Variants in MYPN observed in about 807,000 individuals in gnomAD.
The protein encoded by MYPN is sarcomeric protein myopalladin, 145 kDa (MYOP).
In MYPN, 63 loss-of-function variants were observed where a neutral mutation model predicts 129.4. The ratio of observed to expected loss-of-function variants is 0.49; its 90% CI spans 0.40 to 0.60. The LOEUF (loss-of-function observed/expected upper bound fraction) is 0.60, where lower values mean the gene tolerates loss of function less well. Ranked by LOEUF, MYPN falls within the 20% of genes least tolerant of loss-of-function variation. The pLI is 0.00. For synonymous variants in MYPN, 629 were observed against 600.9 expected (o/e 1.05, Z -0.68); for missense variants, 1,596 against 1,635.4 (o/e 0.98, Z 0.42).
In MYPN at chr10:68,174,359, G is replaced by A. The variant is rs1218456286; in HGVS notation, c.2267G>A (p.Arg756Lys). 3.1e-6 allele frequency: 5 copies of A among 1,613,980 alleles called. No individual in the cohort carries two copies. Among genetic ancestry groups the A allele is most frequent in the Non-Finnish European group, 4.2e-6 (5 of 1,180,024 alleles). Reference sequence around the variant, plus strand: ...AGCAGCACTCCTCAAACTATTCAGAGGACAGTGAGCAAAGAAAGCCTCTTA... The same window carrying A: ...AGCAGCACTCCTCAAACTATTCAGAAGACAGTGAGCAAAGAAAGCCTCTTA... ...TLSSTPQTIQ[R>K]TVSKESLLVS... The change falls in exon 11 of 20, where the codon AGG (arginine) becomes AAG (lysine). Residue 756 changes from arginine (R) to lysine (K), a missense_variant. Coordinates refer to ENST00000358913, the MANE Select transcript of MYPN (RefSeq NM_032578.4).
At chr10:68,111,983 G>A (rs1285716300) in intron 1 of MYPN, among the ~76,000 whole-genome samples, 1 of 152,220 alleles carries the variant, frequency 6.6e-6, no homozygotes, top group Non-Finnish European at 1.5e-5. Context: ...CAAATAGTAA[G>A]AAGCTGAAGA....
intron 9 of MYPN, 99 bp downstream of exon 9, chr10:68,165,917 G>A: frequency 9.5e-7 from 1 of 1,049,786 alleles, no homozygotes; most frequent in East Asian, 2.4e-5. Flanking sequence ...ATACAAAGCT[G>A]GCTTGGCTCT....
intron 8 of MYPN, 164 bp from the exon 9 acceptor site, chr10:68,165,538 A>T: frequency 1.4e-6 from 1 of 703,962 alleles, no homozygotes; most frequent in Non-Finnish European, 2.6e-6. Flanking sequence ...TTGCCTACTA[A>T]TCAGTCAATT....
At chr10:68,128,427 G>A (rs79485968) in intron 2 of MYPN, among the ~76,000 whole-genome samples, 1 of 152,054 alleles carries the variant, frequency 6.6e-6, no homozygotes, top group Non-Finnish European at 1.5e-5. Context: ...TAAATAAAAA[G>A]CATATCTGAA....
In MYPN at chr10:68,199,379, A is replaced by G. The variant is rs2043668884; in HGVS notation, c.3297A>G (p.Leu1099=). Residue 1099 remains leucine (L), a synonymous_variant, in exon 17 of 20, where the codon TTA becomes TTG. Coordinates refer to ENST00000358913, the MANE Select transcript of MYPN (RefSeq NM_032578.4). ...CTGTTGTTTATTAGGTGAGTGGTTT[A>G]CCGCCCCCGGAGCTGACATGGCTAC... ...LCRLDCKVSG[L]PPPELTWLLN... is the part of the protein sequence containing the mutation. The G allele has an allele frequency of 6.2e-7, 1 of 1,613,814 alleles. No individual in the cohort carries two copies. The highest frequency in any genetic ancestry group is 1.1e-5 in the South Asian group (1 of 91,066).
At chr10:68,161,807 A>G (rs1564672159) in intron 8 of MYPN, 55 bp downstream of exon 8, 3 of 1,305,838 alleles carry the variant, frequency 2.3e-6, no homozygotes, top group East Asian at 2.3e-5. Context: ...TATATATACA[A>G]GAATACATAA....
chr10:68,120,585 G>T (rs965723608), intron 1 of MYPN, among the ~76,000 whole-genome samples: 7 of 152,160 alleles, frequency 4.6e-5, no homozygotes, highest in Non-Finnish European at 5.9e-5. Flanking sequence ...AATTTAAACA[G>T]CTTGTCTCTA....
rs780584298 is a variant in MYPN, at chr10:68,174,248, G to C, written c.2156G>C (p.Ser719Thr). The C allele has an allele frequency of 5.0e-6, 8 of 1,614,130 alleles. No homozygotes were observed. In the Admixed American group the frequency reaches 1.3e-4, roughly 27 times the overall value. The change falls in exon 11 of 20, where the codon AGC becomes ACC. Residue 719 changes from serine (S) to threonine (T), a missense_variant. Transcript: ENST00000358913. The part of the protein sequence containing the change: ...QVKAPSSQTF[S>T]LARPKYFFPS... ...AAGGCTCCTTCATCACAGACGTTCA[G>C]CTTGGCCCGGCCGAAGTATTTCTTC...
intron 4 of MYPN, among the ~76,000 whole-genome samples, chr10:68,145,767 G>A (rs2042655756): frequency 6.6e-6 from 1 of 152,208 alleles, no homozygotes; most frequent in Non-Finnish European, 1.5e-5. Flanking sequence ...TACAGAGGAT[G>A]AGCTCCTTAA....
At chr10:68,176,289 G>A (rs764680593) in intron 12 of MYPN, among the ~76,000 whole-genome samples, 3 of 152,122 alleles carry the variant, frequency 2.0e-5, no homozygotes, top group African/African-American at 4.8e-5. Context: ...TAGACTGAAC[G>A]TTTTCTTATT....
chr10:68,119,496 C>T (rs886737947), intron 1 of MYPN, among the ~76,000 whole-genome samples: 3 of 151,832 alleles, frequency 2.0e-5, no homozygotes, highest in Non-Finnish European at 2.9e-5. Context: ...CAGCAACCTC[C>T]GCTTCCCAGG....
Position 68,194,422 on chromosome 10 carries a change from G to A in MYPN, c.2985G>A (p.Arg995=). ...AGAGAAATGAGCACTGCAAAATGAG[G>A]CGAGAAGGAGATGGGACATGCTCTC... ...ISKRNEHCKM[R]REGDGTCSLH... Residue 995 remains arginine (R), a synonymous_variant, in exon 14 of 20, where the codon AGG becomes AGA. Coordinates refer to ENST00000358913, the MANE Select transcript of MYPN (RefSeq NM_032578.4). The A allele has an allele frequency of 6.2e-7, 1 of 1,613,800 alleles. No homozygotes were observed. Among genetic ancestry groups the A allele is most frequent in the South Asian group, 1.1e-5 (1 of 91,082 alleles).
At chr10:68,166,744 C>A in intron 10 of MYPN, 78 bp downstream of exon 10, 1 of 1,564,824 alleles carries the variant, frequency 6.4e-7, no homozygotes, top group Non-Finnish European at 8.7e-7. Flanking sequence ...AGTAATGGAA[C>A]TCAGCTAGGC....
At chr10:68,125,413 A>G (rs550128726) in intron 2 of MYPN, among the ~76,000 whole-genome samples, 1 of 152,312 alleles carries the variant, frequency 6.6e-6, no homozygotes, top group East Asian at 1.9e-4. Context: ...TATGACTGCA[A>G]TTAGATTAAG....
At chr10:68,200,320 T>C (rs2043688239) in intron 17 of MYPN, among the ~76,000 whole-genome samples, 1 of 152,216 alleles carries the variant, frequency 6.6e-6, no homozygotes, top group Admixed American at 6.5e-5. Flanking sequence ...CTTTATATTC[T>C]TAGATGATGT....
chr10:68,207,647 G>A (rs1274000643), intron 19 of MYPN, among the ~76,000 whole-genome samples: 1 of 152,094 alleles, frequency 6.6e-6, no homozygotes. Flanking sequence ...TAATAATAGA[G>A]AGCTGTCCTA....
chr10:68,181,937 G>T (rs573508909), intron 12 of MYPN, among the ~76,000 whole-genome samples: 1 of 152,088 alleles, frequency 6.6e-6, no homozygotes, highest in African/African-American at 2.4e-5. Context: ...GTACCCCAGG[G>T]TTAGGGGTGG....
intron 10 of MYPN, among the ~76,000 whole-genome samples, chr10:68,170,478 C>T (rs910252876): frequency 5.9e-5 from 9 of 152,144 alleles, no homozygotes; most frequent in Non-Finnish European, 1.5e-5. Flanking sequence ...ACAACCTTTT[C>T]TTACTAGTTT....
chr10:68,184,467 C>G (rs191382804), intron 12 of MYPN, among the ~76,000 whole-genome samples: 214 of 152,134 alleles, frequency 1.4e-3, no homozygotes, highest in African/African-American at 4.9e-3. Flanking sequence ...TCACTCTTGT[C>G]CCCTAGGCTG....
Sources: gnomAD v4.1 joint callset for allele counts (sites outside exome capture counted in the v4.1 genomes callset) on GRCh38, gnomAD v4.1.1 for gene constraint, MANE v1.5 for transcripts, NCBI Gene and HGNC (gene_info 2026-07-23, HGNC 2026-07-21) for gene names.